The following TXNDC16 variants were observed in gnomAD, a reference collection of about 807,000 sequenced individuals.
TXNDC16 encodes the protein thioredoxin domain-containing protein 16.
TXNDC16 carries 74 observed loss-of-function variants against 85.6 expected under a neutral mutation model. The observed-to-expected ratio is 0.86, with a 90% confidence interval of 0.72 to 1.05. The LOEUF is 1.05. Ranked by LOEUF, TXNDC16 falls within the 50% of genes least tolerant of loss-of-function variation. The pLI is 0.00. For missense variants in TXNDC16, 959 were observed against 947.0 expected (o/e 1.01, Z -0.17); for synonymous variants, 335 against 326.5 (o/e 1.03, Z -0.28).
chr14:52,535,567 A>G (rs1399780086), intron 6 of TXNDC16, among the ~76,000 whole-genome samples: 2 of 152,174 alleles, frequency 1.3e-5, no homozygotes, highest in Admixed American at 6.5e-5. Context: ...CAACAGGCTT[A>G]TAACATTAAA....
chr14:52,517,718 G>A (rs907072266), intron 7 of TXNDC16, among the ~76,000 whole-genome samples: 1 of 151,800 alleles, frequency 6.6e-6, no homozygotes, highest in East Asian at 1.9e-4. Context: ...CCTTTTTCCT[G>A]TGTGAGGCAT....
chr14:52,546,935 T>C (rs1334893127), intron 1 of TXNDC16, among the ~76,000 whole-genome samples: 1 of 152,194 alleles, frequency 6.6e-6, no homozygotes, highest in Non-Finnish European at 1.5e-5. Flanking sequence ...TACAATAATT[T>C]GGAGGTGACA....
rs1490680898 is a variant in TXNDC16 at position 52,470,532 on chromosome 14, A to G, written c.1461T>C (p.Asp487=). The G allele has an allele frequency of 1.9e-6, 3 of 1,612,754 alleles. No homozygotes were observed. Among genetic ancestry groups the G allele is most frequent in the African/African-American group, 2.7e-5 (2 of 74,868 alleles). ...CTTACAGCTGGATAAATTTTAGGAGATCTTCGGTTCCTAACATTCCAGCAT... is the reference window on the plus strand; with the variant it reads ...CTTACAGCTGGATAAATTTTAGGAGGTCTTCGGTTCCTAACATTCCAGCAT... ...VSYAGMLGTE[D]LLKFIQLNRI... The change falls in exon 15 of 21, where the codon GAT becomes GAC. Residue 487 remains aspartate (D), a synonymous_variant. Transcript: ENST00000281741.
At chr14:52,509,089 C>A (rs2036890541) in intron 9 of TXNDC16, among the ~76,000 whole-genome samples, 2 of 151,668 alleles carry the variant, frequency 1.3e-5, no homozygotes, top group Admixed American at 6.6e-5. Flanking sequence ...TCCTAGTAAG[C>A]ATCATAAAGT....
At chr14:52,541,574 A>G (rs1165432259) in intron 4 of TXNDC16, among the ~76,000 whole-genome samples, 1 of 152,232 alleles carries the variant, frequency 6.6e-6, no homozygotes, top group Non-Finnish European at 1.5e-5. Flanking sequence ...AATGTTAGTC[A>G]ATGTTTCTAT....
chr14:52,533,665 C>G (rs972857231), intron 6 of TXNDC16, among the ~76,000 whole-genome samples: 1 of 152,162 alleles, frequency 6.6e-6, no homozygotes, highest in Non-Finnish European at 1.5e-5. Flanking sequence ...GCTGGCTCAA[C>G]AATGTTAAAT....
At chr14:52,550,678 A>AC (rs111742664) in intron 1 of TXNDC16, among the ~76,000 whole-genome samples, 39,838 of 152,030 alleles carry the variant, frequency 0.26, 5,683 homozygotes, top group East Asian at 0.53. Context: ...AAAAAGAAAA[A>AC]CCTTTTAAAG....
intron 20 of TXNDC16, among the ~76,000 whole-genome samples, chr14:52,433,631 A>G (rs1363514681): frequency 6.6e-6 from 1 of 152,188 alleles, no homozygotes; most frequent in East Asian, 1.9e-4. Context: ...GTACACATGC[A>G]GTACAGCTGT....
At chr14:52,502,938 G>T (rs1044357280) in intron 9 of TXNDC16, among the ~76,000 whole-genome samples, 1 of 152,206 alleles carries the variant, frequency 6.6e-6, no homozygotes, top group African/African-American at 2.4e-5. Context: ...TCCCGCGCTT[G>T]AGGGCTCCGA....
intron 5 of TXNDC16, 62 bp downstream of exon 5, chr14:52,537,537 T>C (rs781701529): frequency 2.6e-5 from 30 of 1,175,116 alleles, no homozygotes; most frequent in Non-Finnish European, 3.8e-5. Context: ...ATATTTTACA[T>C]ATTTGAATAT....
At chr14:52,475,301 C>T (rs1476136908) in intron 14 of TXNDC16, among the ~76,000 whole-genome samples, 1 of 152,088 alleles carries the variant, frequency 6.6e-6, no homozygotes, top group Non-Finnish European at 1.5e-5. Context: ...CAATTTGAAC[C>T]AATCGAAGAG....
At chr14:52,480,013 ATACT>A (rs1223739335) in intron 14 of TXNDC16, among the ~76,000 whole-genome samples, 1 of 152,144 alleles carries the variant, frequency 6.6e-6, no homozygotes, top group African/African-American at 2.4e-5. Context: ...ATAAACCCTA[ATACT>A]TACAGCCAAC....
At position 52,514,894 on chromosome 14, in the gene TXNDC16, A is replaced by C; in HGVS notation, c.591T>G (p.Leu197=). The C allele has an allele frequency of 6.2e-7, 1 of 1,611,742 alleles. No individual in the cohort carries two copies. The highest frequency in any genetic ancestry group is 1.1e-5 in the South Asian group (1 of 90,676). Residue 197 remains leucine, a synonymous_variant, in exon 8 of 21, where the codon CTT becomes CTG. Transcript: ENST00000281741. The part of the protein sequence containing the change: ...YQFVLTTEIA[L]LESIGSEDVE... The stretch of plus-strand genomic sequence containing the variant: ...TTTATACATACCCAATACTTTCCAA[A>C]AGGGCAATTTCTGTGGTTAAGACAA...
intron 8 of TXNDC16, among the ~76,000 whole-genome samples, chr14:52,512,540 G>T (rs1237952923): frequency 6.6e-6 from 1 of 152,168 alleles, no homozygotes; most frequent in Non-Finnish European, 1.5e-5. Flanking sequence ...ACTGCTGAAA[G>T]GAAAGTGTTG....
At chr14:52,520,011 T>G (rs908740466) in intron 6 of TXNDC16, among the ~76,000 whole-genome samples, 20 of 152,200 alleles carry the variant, frequency 1.3e-4, no homozygotes, top group African/African-American at 1.9e-4. Context: ...TTTGCATATT[T>G]TATCACTATA....
intron 9 of TXNDC16, among the ~76,000 whole-genome samples, chr14:52,504,595 G>A (rs968495884): frequency 7.9e-5 from 12 of 152,116 alleles, no homozygotes; most frequent in Admixed American, 2.6e-4. Context: ...AGGAACAACC[G>A]GTACCAGCCA....
At chr14:52,535,151 A>C (rs888346793) in intron 6 of TXNDC16, among the ~76,000 whole-genome samples, 3 of 152,208 alleles carry the variant, frequency 2.0e-5, no homozygotes, top group African/African-American at 7.2e-5. Context: ...GATAGTCATC[A>C]GGTATCCACC....
At chr14:52,481,611 C>T (rs996830030) in intron 14 of TXNDC16, among the ~76,000 whole-genome samples, 8 of 152,164 alleles carry the variant, frequency 5.3e-5, no homozygotes, top group African/African-American at 1.9e-4. Context: ...TTACATCAAG[C>T]ACACCTAATC....
intron 18 of TXNDC16, among the ~76,000 whole-genome samples, chr14:52,448,399 A>G (rs2140108652): frequency 6.6e-6 from 1 of 150,654 alleles, no homozygotes; most frequent in East Asian, 1.9e-4. Flanking sequence ...TGCTAAATTA[A>G]AAAAAAAAAC....
Sources: allele counts gnomAD v4.1 joint callset (sites outside exome capture counted in the v4.1 genomes callset), GRCh38; gene constraint gnomAD v4.1.1; transcripts MANE v1.5; gene names NCBI Gene and HGNC (gene_info 2026-07-23, HGNC 2026-07-21).